The following ACOT7 variants were observed in gnomAD, a reference collection of about 807,000 sequenced individuals.
The protein encoded by ACOT7 is cytosolic acyl coenzyme A thioester hydrolase.
Under a neutral mutation model 40.2 loss-of-function variants are expected in ACOT7, and 12 were observed. The ratio of observed to expected loss-of-function variants is 0.30; its 90% CI spans 0.19 to 0.48. The LOEUF is 0.48. ACOT7 is among the 20% of genes least tolerant of loss of function. The pLI is 0.99. For synonymous variants in ACOT7, 228 were observed against 219.5 expected, an observed-to-expected ratio of 1.04 and a Z score of -0.34; for missense variants, 395 against 530.8, an observed-to-expected ratio of 0.74 and a Z score of 2.51.
Position 6,278,648 on chromosome 1 carries a change from C to T in ACOT7, c.1014+2454G>A, listed in dbSNP as rs1264160915. 6.6e-6 allele frequency among the ~76,000 whole-genome samples: 1 copy of T among 152,148 alleles called. No homozygotes were observed. Among genetic ancestry groups the T allele is most frequent in the African/African-American group, 2.4e-5 (1 of 41,418 alleles). On this transcript the variant is annotated intron_variant, in intron 8 of 8. Coordinates refer to ENST00000361521, the MANE Select transcript of ACOT7 (RefSeq NM_007274.4). This position sits in a 1 kb window ranked among gnomAD's most constrained non-coding sequence, Gnocchi z 4.1. ...GCACTGGCCAAGTCAATTTGGGAGT[C>T]AATACAACACACAGGCGATGCTCGA...
intron 1 of ACOT7, among the ~76,000 whole-genome samples, chr1:6,386,046 G>A (rs116317817): frequency 0.017 from 2,663 of 152,312 alleles, 30 homozygotes; most frequent in Middle Eastern, 0.037. Flanking sequence ...GCACCACTCA[G>A]GCTGGCCCTC....
chr1:6,303,144 G>C (rs947491226), intron 6 of ACOT7, among the ~76,000 whole-genome samples: 2 of 152,098 alleles, frequency 1.3e-5, no homozygotes, highest in African/African-American at 4.8e-5. Flanking sequence ...GGTTCCTACT[G>C]AAAAGCCTCA....
chr1:6,375,194 C>T (rs1056232309), intron 1 of ACOT7, among the ~76,000 whole-genome samples: 17 of 147,390 alleles, frequency 1.2e-4, no homozygotes, highest in Non-Finnish European at 2.4e-4. Flanking sequence ...ACCCAGGAGG[C>T]GGAGCTTGCA....
Position 6,274,316 on chromosome 1 carries a change from C to T in ACOT7, c.1014+6786G>A, listed in dbSNP as rs1238685792. Among the ~76,000 whole-genome samples the T allele has an allele frequency of 6.6e-6, 1 of 152,240 alleles. No individual in the cohort carries two copies. The highest frequency in any genetic ancestry group is 1.5e-5 in the Non-Finnish European group (1 of 68,036). On this transcript the variant is annotated intron_variant, in intron 8 of 8. Transcript: ENST00000361521. The surrounding 1 kb of genome is among the most constrained non-coding windows in gnomAD (Gnocchi z 5.9). ...CAGCCTGCTCTGTCTGCAGCCCCCACATCAGTGCGTCACAAAGCTGTGGCC... is the reference window on the plus strand; with the variant it reads ...CAGCCTGCTCTGTCTGCAGCCCCCATATCAGTGCGTCACAAAGCTGTGGCC...
At position 6,264,614 on chromosome 1, in the gene ACOT7, C is replaced by A. The variant is rs192112480; in HGVS notation, c.1096G>T (p.Ala366Ser). 2.8e-5 allele frequency: 45 copies of A among 1,612,732 alleles called. No homozygotes were observed. In the African/African-American group the frequency reaches 5.3e-4, roughly 19 times the overall value. ...LQMKAKRQGH[A>S]EPQP ...GAGGGAGTCTAGGGCTGAGGCTCCG[C>A]GTGGCCCTGTCGCTTCGCCTTCATC... Residue 366 changes from alanine (A) to serine (S), a missense_variant, in exon 9 of 9, where the codon GCG (alanine) becomes TCG (serine). Transcript: ENST00000361521.
In ACOT7 at chr1:6,274,050, T is replaced by C. The variant is rs1337414900; in HGVS notation, c.1014+7052A>G. On this transcript the variant is annotated intron_variant, in intron 8 of 8. Transcript: ENST00000361521. This position sits in a 1 kb window ranked among gnomAD's most constrained non-coding sequence, Gnocchi z 5.9. ...GGCCACCTCTGCTCCTGAGGCTTCT[T>C]CGAGAGGAACGGGGCCCATGCGAGG... Among the ~76,000 whole-genome samples the C allele has an allele frequency of 6.6e-6, 1 of 152,130 alleles. No individual in the cohort carries two copies. Among genetic ancestry groups the C allele is most frequent in the Non-Finnish European group, 1.5e-5 (1 of 68,000 alleles).
At chr1:6,287,849 A>C (rs968016964) in intron 7 of ACOT7, among the ~76,000 whole-genome samples, 1 of 152,236 alleles carries the variant, frequency 6.6e-6, no homozygotes, top group Admixed American at 6.5e-5. Flanking sequence ...CTTTCGTAAG[A>C]AAAGCCTGGA....
intron 1 of ACOT7, among the ~76,000 whole-genome samples, chr1:6,372,587 G>A (rs1278281845): frequency 7.4e-6 from 1 of 134,390 alleles, no homozygotes; most frequent in Non-Finnish European, 1.5e-5. Flanking sequence ...GTCTCGCTCT[G>A]TCGCCCAGGT....
chr1:6,312,686 T>C (rs1177751431), intron 6 of ACOT7, among the ~76,000 whole-genome samples: 1 of 152,204 alleles, frequency 6.6e-6, no homozygotes, highest in Non-Finnish European at 1.5e-5. Flanking sequence ...CAGGCTGGTC[T>C]CAAACTCCTG....
intron 4 of ACOT7, among the ~76,000 whole-genome samples, chr1:6,328,851 C>T (rs942354744): frequency 2.6e-5 from 4 of 152,212 alleles, no homozygotes; most frequent in Admixed American, 2.0e-4. Context: ...ATGGGACCCT[C>T]GGAGGGGCCC....
At chr1:6,370,459 A>AG (rs1289791557) in intron 1 of ACOT7, among the ~76,000 whole-genome samples, 37 of 58,100 alleles carry the variant, frequency 6.4e-4, no homozygotes, top group African/African-American at 3.3e-3. Flanking sequence ...CAGTGTTAGT[A>AG]TTATTATTAT....
rs773908350 is a variant in ACOT7, at chr1:6,359,543, T to G, written c.144-9677A>C. On this transcript the variant is annotated intron_variant, in intron 1 of 8. Transcript: ENST00000361521. This position sits in a 1 kb window ranked among gnomAD's most constrained non-coding sequence, Gnocchi z 4.1. Reference sequence around the variant, plus strand: ...AGCAACTCCACTACCCTTCCTCCACTCCCGCGGGCTCTTAGGCTGCCGGCT... The same window carrying G: ...AGCAACTCCACTACCCTTCCTCCACGCCCGCGGGCTCTTAGGCTGCCGGCT... 4.8e-5 allele frequency among the ~76,000 whole-genome samples: 7 copies of G among 144,756 alleles called. No homozygotes were observed. The highest frequency in any genetic ancestry group is 7.2e-3 in the Middle Eastern group (2 of 276). 95.0% of individuals were successfully genotyped at this position (144,756 alleles called of 152,430 possible).
chr1:6,382,635 G>A, intron 1 of ACOT7, among the ~76,000 whole-genome samples: 1 of 151,456 alleles, frequency 6.6e-6, no homozygotes, highest in Admixed American at 6.6e-5. Context: ...GGCCAACATG[G>A]CGAAATCCTG....
intron 1 of ACOT7, among the ~76,000 whole-genome samples, chr1:6,382,948 G>C (rs1287891878): frequency 6.6e-6 from 1 of 150,758 alleles, no homozygotes; most frequent in African/African-American, 2.4e-5. Flanking sequence ...TCACGATCTT[G>C]GATCACTGCA....
intron 7 of ACOT7, among the ~76,000 whole-genome samples, chr1:6,290,968 C>T (rs1255961608): frequency 3.3e-5 from 5 of 152,176 alleles, no homozygotes; most frequent in Admixed American, 2.0e-4. Context: ...TCCAGGCTGA[C>T]GTCAATTTCA....
intron 4 of ACOT7, among the ~76,000 whole-genome samples, chr1:6,328,699 A>G (rs899450194): frequency 1.3e-5 from 2 of 152,174 alleles, no homozygotes; most frequent in Admixed American, 1.3e-4. Flanking sequence ...AAATAAATAA[A>G]TAAAAAACAC....
At chr1:6,334,386 C>A (rs541431407) in intron 3 of ACOT7, among the ~76,000 whole-genome samples, 16 of 152,368 alleles carry the variant, frequency 1.1e-4, no homozygotes, top group Admixed American at 3.3e-4. Context: ...CCCATACAGA[C>A]GTGCAGGCTG....
rs557236209 is a variant in ACOT7, at chr1:6,358,208, G to A, written c.144-8342C>T. Among the ~76,000 whole-genome samples the A allele has an allele frequency of 3.0e-4, 45 of 152,178 alleles. No individual in the cohort carries two copies. Among genetic ancestry groups the A allele is most frequent in the South Asian group, 2.7e-3 (13 of 4,818 alleles). On this transcript the variant is annotated intron_variant, in intron 1 of 8. Coordinates refer to ENST00000361521, the MANE Select transcript of ACOT7 (RefSeq NM_007274.4). This position sits in a 1 kb window ranked among gnomAD's most constrained non-coding sequence, Gnocchi z 4.1. Reference sequence around the variant, plus strand: ...TTGACTTGCTGCCTAAGGCAGTTCCGGCGAAGTCCCTTCAACCCACAGACA... The same window carrying A: ...TTGACTTGCTGCCTAAGGCAGTTCCAGCGAAGTCCCTTCAACCCACAGACA...
At chr1:6,302,775 C>T (rs781354885) in intron 6 of ACOT7, among the ~76,000 whole-genome samples, 3 of 152,004 alleles carry the variant, frequency 2.0e-5, no homozygotes, top group Non-Finnish European at 4.4e-5. Flanking sequence ...TACCTGCCAC[C>T]GAGAGAGAGC....
Sources: allele counts gnomAD v4.1 joint callset (sites outside exome capture counted in the v4.1 genomes callset), GRCh38; gene constraint gnomAD v4.1.1; non-coding constraint Gnocchi (gnomAD v3.1); transcripts MANE v1.5; gene names NCBI Gene and HGNC (gene_info 2026-07-23, HGNC 2026-07-21).